Variants in KCTD8 observed in about 807,000 individuals in gnomAD.
KCTD8 encodes the protein potassium channel tetramerization domain containing 8.
Under a neutral mutation model 31.5 loss-of-function variants are expected in KCTD8, and 27 were observed. The observed-to-expected ratio is 0.86, with a 90% CI of 0.63 to 1.18. The LOEUF (loss-of-function observed/expected upper bound fraction) is 1.18. Ranked by LOEUF, KCTD8 falls within the 50% of genes most tolerant of loss-of-function variation. The pLI is 0.00. For synonymous variants in KCTD8, 290 were observed against 280.0 expected (o/e 1.04, Z -0.36); for missense variants, 658 against 647.7 (o/e 1.02, Z -0.17).
chr4:44,242,822 C>G (rs1213534235), intron 1 of KCTD8, among the ~76,000 whole-genome samples: 4 of 151,948 alleles, frequency 2.6e-5, no homozygotes, highest in Non-Finnish European at 5.9e-5. Context: ...GTGGCATCTT[C>G]CCCCTCTTCC....
intron 1 of KCTD8, among the ~76,000 whole-genome samples, chr4:44,430,318 T>C (rs1721442865): frequency 6.6e-6 from 1 of 151,700 alleles, no homozygotes; most frequent in Non-Finnish European, 1.5e-5. Context: ...GTTCAGGGTA[T>C]TTCCAGGAGT....
intron 1 of KCTD8, among the ~76,000 whole-genome samples, chr4:44,380,093 C>G (rs1209998956): frequency 6.6e-6 from 1 of 151,924 alleles, no homozygotes; most frequent in Admixed American, 6.6e-5. Context: ...TAAAGAGTCA[C>G]ACTTAATTAT....
chr4:44,293,623 T>G lies in KCTD8; in HGVS notation c.962-118373A>C, dbSNP rs535585994. On this transcript the variant is annotated intron_variant, in intron 1 of 1. Transcript: ENST00000360029. ...TGCTAGATTTCTAGTCTTTAATTTT[T>G]TTTTTCTAGGAATCTGGTGAGTTAG... is the stretch of plus-strand genomic sequence containing the variant. 1.1e-3 allele frequency: 386 copies of G among 345,570 alleles called. 7 individuals are homozygous for G. The highest frequency in any genetic ancestry group is 8.8e-3 in the South Asian group (370 of 42,242). 21.4% of individuals were successfully genotyped at this position (345,570 alleles called of 1,614,324 possible).
chr4:44,383,096 T>A (rs1010867576), intron 1 of KCTD8, among the ~76,000 whole-genome samples: 1 of 151,284 alleles, frequency 6.6e-6, no homozygotes, highest in African/African-American at 2.4e-5. Context: ...AGAATACCTA[T>A]GAATAGATTA....
chr4:44,398,439 G>C (rs998268312), intron 1 of KCTD8, among the ~76,000 whole-genome samples: 1 of 152,198 alleles, frequency 6.6e-6, no homozygotes, highest in Non-Finnish European at 1.5e-5. Flanking sequence ...ATAAGGAAAA[G>C]TGACTTATTC....
chr4:44,224,721 T>C (rs559959069), intron 1 of KCTD8, among the ~76,000 whole-genome samples: 11 of 152,188 alleles, frequency 7.2e-5, no homozygotes, highest in Non-Finnish European at 1.2e-4. Flanking sequence ...AATAAAAATA[T>C]ATTTCTTGTC....
At chr4:44,316,818 AAAAAAGAAGAT>A in intron 1 of KCTD8, among the ~76,000 whole-genome samples, 1 of 142,552 alleles carries the variant, frequency 7.0e-6, no homozygotes, top group Non-Finnish European at 1.5e-5. Context: ...AAAAAAAAAA[AAAAAAGAAGAT>A]AAGCCGAGCT....
intron 1 of KCTD8, among the ~76,000 whole-genome samples, chr4:44,215,512 T>C (rs945839828): frequency 6.6e-6 from 1 of 152,204 alleles, no homozygotes; most frequent in Admixed American, 6.5e-5. Context: ...TCAGTTGTAA[T>C]TGAAAACTAA....
chr4:44,341,150 A>G (rs1718886758), intron 1 of KCTD8, among the ~76,000 whole-genome samples: 1 of 152,194 alleles, frequency 6.6e-6, no homozygotes, highest in South Asian at 2.1e-4. Flanking sequence ...ACAGTTTATT[A>G]AATATGCAAT....
intron 1 of KCTD8, among the ~76,000 whole-genome samples, chr4:44,202,665 C>G (rs570940026): frequency 1.3e-5 from 2 of 152,160 alleles, no homozygotes; most frequent in East Asian, 3.9e-4. Flanking sequence ...GAAAAACTCA[C>G]TATTGGGTAT....
chr4:44,322,621 G>A (rs1369714660), intron 1 of KCTD8, among the ~76,000 whole-genome samples: 2 of 151,856 alleles, frequency 1.3e-5, no homozygotes, highest in African/African-American at 4.9e-5. Context: ...TTTTGCTTTG[G>A]TTGCTTGTGC....
chr4:44,218,289 A>C (rs1714709393), intron 1 of KCTD8, among the ~76,000 whole-genome samples: 1 of 150,924 alleles, frequency 6.6e-6, no homozygotes, highest in African/African-American at 2.4e-5. Flanking sequence ...ATGCACCACC[A>C]CACCCGGCTA....
intron 1 of KCTD8, among the ~76,000 whole-genome samples, chr4:44,193,643 C>CAA (rs75394434): frequency 4.5e-5 from 6 of 132,356 alleles, no homozygotes; most frequent in African/African-American, 1.7e-4. Context: ...GGTATTTTAA[C>CAA]AAAAAAAAAA....
At chr4:44,297,496 ATATAG>A (rs1439217885) in intron 1 of KCTD8, among the ~76,000 whole-genome samples, 1 of 151,948 alleles carries the variant, frequency 6.6e-6, no homozygotes, top group Non-Finnish European at 1.5e-5. Flanking sequence ...AATCAATGAA[ATATAG>A]TATATGTGCA....
chr4:44,359,875 A>C (rs1293643680), intron 1 of KCTD8, among the ~76,000 whole-genome samples: 1 of 152,102 alleles, frequency 6.6e-6, no homozygotes, highest in African/African-American at 2.4e-5. Context: ...ATACATTTTT[A>C]TTCTACCATT....
rs1171942944 is a variant in KCTD8, at chr4:44,174,683, AG to A, written c.*106del. The A allele has an allele frequency of 3.0e-5, 25 of 829,638 alleles. No individual in the cohort carries two copies. In the Admixed American group the frequency reaches 6.1e-4, roughly 20 times the overall value. The allele number at this position is 829,638 out of a possible 1,614,324, so 51.4% of individuals were successfully genotyped here. A position where few individuals can be genotyped will look rare whatever the true frequency, so the allele number is the denominator to read the frequency against. ...TGTCCCACATCCACTGTTCACAACA[AG>A]GAAGAGCAGCAAGAATCACACTGAC... is the stretch of plus-strand genomic sequence containing the variant. On this transcript the variant is annotated 3_prime_UTR_variant, in exon 2 of 2. Coordinates refer to ENST00000360029, the MANE Select transcript of KCTD8 (RefSeq NM_198353.3).
At chr4:44,199,130 G>A (rs1714041803) in intron 1 of KCTD8, among the ~76,000 whole-genome samples, 1 of 152,034 alleles carries the variant, frequency 6.6e-6, no homozygotes, top group Admixed American at 6.6e-5. Flanking sequence ...ACCCAACAGT[G>A]GAGCACCCAG....
intron 1 of KCTD8, among the ~76,000 whole-genome samples, chr4:44,273,047 C>G (rs879402694): frequency 1.3e-5 from 2 of 151,704 alleles, no homozygotes; most frequent in Non-Finnish European, 2.9e-5. Flanking sequence ...AGATAACTAA[C>G]AAGATTGGAA....
intron 1 of KCTD8, among the ~76,000 whole-genome samples, chr4:44,404,486 A>G (rs1191373083): frequency 6.6e-6 from 1 of 152,186 alleles, no homozygotes; most frequent in Non-Finnish European, 1.5e-5. Flanking sequence ...GACATTTTAT[A>G]TTTCTATATT....
Sources: allele counts gnomAD v4.1 joint callset (sites outside exome capture counted in the v4.1 genomes callset), GRCh38; gene constraint gnomAD v4.1.1; transcripts MANE v1.5; gene names NCBI Gene and HGNC (gene_info 2026-07-23, HGNC 2026-07-21).